The following RAB38 variants were observed in gnomAD, a reference collection of about 807,000 sequenced individuals.
RAB38 encodes ras-related protein Rab-38.
RAB38 carries 15 observed loss-of-function variants against 18.4 expected under a neutral mutation model. The observed-to-expected ratio is 0.82, with a 90% CI of 0.55 to 1.26. The LOEUF (loss-of-function observed/expected upper bound fraction) is 1.26, where lower values mean the gene tolerates loss of function less well. RAB38 is among the 50% of genes most tolerant of loss of function. The pLI, the probability that RAB38 is intolerant of heterozygous loss-of-function variation, is 0.00. For synonymous variants in RAB38, 101 were observed against 104.4 expected, an observed-to-expected ratio of 0.97 and a Z score of 0.20; for missense variants, 294 against 267.4, an observed-to-expected ratio of 1.10 and a Z score of -0.69.
At chr11:88,173,022 C>A (rs1391597507) in intron 1 of RAB38, among the ~76,000 whole-genome samples, 1 of 152,208 alleles carries the variant, frequency 6.6e-6, no homozygotes, top group Non-Finnish European at 1.5e-5. Context: ...TTTATACAGA[C>A]TTCTGTGACT....
At chr11:87,869,648 T>A in the RAB38 span, among the ~76,000 whole-genome samples, 1 of 151,680 alleles carries the variant, frequency 6.6e-6, no homozygotes, top group East Asian at 1.9e-4. Context: ...AGTTTTGAAC[T>A]GAAAAAAATA....
At chr11:88,051,356 C>T in the RAB38 span, among the ~76,000 whole-genome samples, 7 of 152,042 alleles carry the variant, frequency 4.6e-5, no homozygotes, top group South Asian at 1.5e-3. Context: ...AGATCTGATT[C>T]TAATCAGCAC....
chr11:87,955,738 A>G, the RAB38 span, among the ~76,000 whole-genome samples: 7 of 152,064 alleles, frequency 4.6e-5, no homozygotes, highest in African/African-American at 4.8e-5. Context: ...GAGGCTTCAG[A>G]TGACCCCTGT....
At chr11:87,895,583 A>G in the RAB38 span, among the ~76,000 whole-genome samples, 3 of 151,708 alleles carry the variant, frequency 2.0e-5, no homozygotes, top group African/African-American at 4.8e-5. Flanking sequence ...CAACTAAGGC[A>G]AATTTATAGT....
chr11:88,155,622 T>C (rs1041459106), intron 1 of RAB38, among the ~76,000 whole-genome samples: 4 of 152,156 alleles, frequency 2.6e-5, no homozygotes, highest in African/African-American at 9.7e-5. Context: ...ATCCTGATAC[T>C]ATGAAAAATA....
At chr11:87,831,204 C>A in the RAB38 span, among the ~76,000 whole-genome samples, 2 of 152,154 alleles carry the variant, frequency 1.3e-5, no homozygotes, top group Non-Finnish European at 2.9e-5. Context: ...CAGAGCTTAA[C>A]TGCTTAATTT....
chr11:87,873,876 GTATA>G, the RAB38 span, among the ~76,000 whole-genome samples: 1 of 130,772 alleles, frequency 7.6e-6, no homozygotes, highest in Non-Finnish European at 1.6e-5. Flanking sequence ...GTGTGTGTGT[GTATA>G]TATATGTGTG....
At chr11:88,022,630 A>AAAAAAAAAAC in the RAB38 span, among the ~76,000 whole-genome samples, 1 of 151,106 alleles carries the variant, frequency 6.6e-6, no homozygotes, top group Non-Finnish European at 1.5e-5. Context: ...AAAAAAAAAA[A>AAAAAAAAAAC]AACAACTATT....
At chr11:88,044,077 G>T in the RAB38 span, among the ~76,000 whole-genome samples, 1 of 152,036 alleles carries the variant, frequency 6.6e-6, no homozygotes, top group East Asian at 1.9e-4. Flanking sequence ...TCCTTTTCGG[G>T]TAGAGACAAA....
chr11:88,043,239 A>G, the RAB38 span, among the ~76,000 whole-genome samples: 1 of 152,300 alleles, frequency 6.6e-6, no homozygotes, highest in South Asian at 2.1e-4. Context: ...ACTCTCAGCT[A>G]GATCGTTATT....
chr11:87,870,117 A>G, the RAB38 span, among the ~76,000 whole-genome samples: 4 of 151,840 alleles, frequency 2.6e-5, no homozygotes, highest in South Asian at 2.1e-4. Flanking sequence ...TAGTTTAGTC[A>G]TAATATTATC....
chr11:87,842,680 A>T, the RAB38 span, among the ~76,000 whole-genome samples: 1 of 152,092 alleles, frequency 6.6e-6, no homozygotes, highest in Non-Finnish European at 1.5e-5. Flanking sequence ...TTTGCGTATT[A>T]TCTCTATTTT....
chr11:87,807,935 T>C, the RAB38 span, among the ~76,000 whole-genome samples: 1 of 152,202 alleles, frequency 6.6e-6, no homozygotes, highest in African/African-American at 2.4e-5. Context: ...AACAAGTCTG[T>C]TTTTCCTATC....
At position 88,175,210 on chromosome 11, in the gene RAB38, C is replaced by G; in HGVS notation, c.175G>C (p.Val59Leu). ...KVLHWDPETV[V>L]RLQLWDIAGQ... is the part of the protein sequence containing the mutation. ...GCGATATCCCAGAGCTGCAGGCGCACCACAGTCTCCGGGTCCCAGTGGAGC... is the reference window on the plus strand; with the variant it reads ...GCGATATCCCAGAGCTGCAGGCGCAGCACAGTCTCCGGGTCCCAGTGGAGC... Residue 59 changes from valine to leucine, a missense_variant, in exon 1 of 3, where the codon GTG (valine) becomes CTG (leucine). Physicochemically the swap from Val to Leu is conservative, Grantham distance 32. Transcript: ENST00000243662. The G allele has an allele frequency of 6.2e-7, 1 of 1,613,088 alleles. No homozygotes were observed. Among genetic ancestry groups the G allele is most frequent in the Non-Finnish European group, 8.5e-7 (1 of 1,179,552 alleles).
At chr11:87,883,148 C>T in the RAB38 span, among the ~76,000 whole-genome samples, 1 of 151,854 alleles carries the variant, frequency 6.6e-6, no homozygotes, top group African/African-American at 2.4e-5. Context: ...GCACATGCCA[C>T]GCAGAGCAAA....
chr11:88,039,705 AG>A, the RAB38 span, among the ~76,000 whole-genome samples: 3 of 152,212 alleles, frequency 2.0e-5, no homozygotes, highest in Non-Finnish European at 4.4e-5. Flanking sequence ...GGACCTAAAT[AG>A]GCATGAGAAT....
chr11:87,824,897 C>T, the RAB38 span, among the ~76,000 whole-genome samples: 1 of 152,058 alleles, frequency 6.6e-6, no homozygotes, highest in East Asian at 1.9e-4. Flanking sequence ...GTACCTAACA[C>T]TGCAAAAGAT....
At chr11:87,863,418 C>T in the RAB38 span, among the ~76,000 whole-genome samples, 1 of 151,782 alleles carries the variant, frequency 6.6e-6, no homozygotes, top group African/African-American at 2.4e-5. Context: ...AAGACAACCA[C>T]AGAGTATTGT....
At chr11:87,935,289 C>T in the RAB38 span, among the ~76,000 whole-genome samples, 1 of 152,056 alleles carries the variant, frequency 6.6e-6, no homozygotes, top group Non-Finnish European at 1.5e-5. Context: ...TTTTGAACTT[C>T]CACACATCTT....
Sources: gnomAD v4.1 joint callset for allele counts (sites outside exome capture counted in the v4.1 genomes callset) on GRCh38, gnomAD v4.1.1 for gene constraint, MANE v1.5 for transcripts, NCBI Gene and HGNC (gene_info 2026-07-23, HGNC 2026-07-21) for gene names.